ABHD2: variants seen among roughly 807,000 people sequenced by gnomAD.
The protein encoded by ABHD2 is monoacylglycerol lipase ABHD2.
ABHD2 carries 20 observed loss-of-function variants against 48.1 expected under a neutral mutation model. That is an observed-to-expected ratio of 0.42 (90% CI 0.29 to 0.60). The LOEUF (loss-of-function observed/expected upper bound fraction) is 0.60, where lower values mean the gene tolerates loss of function less well. Ranked by LOEUF, ABHD2 falls within the 20% of genes least tolerant of loss-of-function variation. The probability of loss-of-function intolerance (pLI) is 0.24; values close to 1 mark genes in which losing one functional copy is unlikely to be tolerated. For synonymous variants in ABHD2, 209 were observed against 214.2 expected (o/e 0.98, Z 0.21); for missense variants, 405 against 550.9 (o/e 0.74, Z 2.65).
chr15:89,140,674 CT>C (rs769282359), intron 3 of ABHD2, among the ~76,000 whole-genome samples: 41 of 152,288 alleles, frequency 2.7e-4, no homozygotes, highest in Middle Eastern at 3.4e-3. Flanking sequence ...CAGGCCCCCC[CT>C]GTGTGTGATC....
chr15:89,187,703 A>G (rs1198058995), intron 7 of ABHD2, among the ~76,000 whole-genome samples: 1 of 152,196 alleles, frequency 6.6e-6, no homozygotes, highest in Non-Finnish European at 1.5e-5. Flanking sequence ...GACACTAGAG[A>G]GCTGTTGGTT....
chr15:89,053,340 C>T, the ABHD2 span, among the ~76,000 whole-genome samples: 2 of 152,006 alleles, frequency 1.3e-5, no homozygotes, highest in Non-Finnish European at 2.9e-5. Flanking sequence ...TTTGTTACGG[C>T]AGCCCTAGCA....
Position 89,116,269 on chromosome 15 carries a change from A to C in ABHD2, c.-6-53A>C. On this transcript the variant is annotated intron_variant, in intron 2 of 10. Coordinates refer to ENST00000352732, the MANE Select transcript of ABHD2 (RefSeq NM_152924.5). This position sits in a 1 kb window ranked among gnomAD's most constrained non-coding sequence, Gnocchi z 4.6. ...ACCATGCGTCTGTAGGGTGGTGGGCACCACCCGTCCTCACTGTGCTTGTAA... is the reference window on the plus strand; with the variant it reads ...ACCATGCGTCTGTAGGGTGGTGGGCCCCACCCGTCCTCACTGTGCTTGTAA... 2.6e-6 allele frequency: 4 copies of C among 1,539,666 alleles called. No individual in the cohort carries two copies. The highest frequency in any genetic ancestry group is 3.5e-6 in the Non-Finnish European group (4 of 1,132,174).
rs187369405 is a variant in ABHD2 at position 89,151,528 on chromosome 15, G to T, written c.195-149G>T. 77 of 777,456 alleles carry T rather than the reference G, an allele frequency of 9.9e-5. 1 individual carries two copies. The Admixed American group carries it at 1.2e-3, about 12-fold the overall frequency. 48.2% of individuals were successfully genotyped at this position (777,456 alleles called of 1,614,324 possible). On this transcript the variant is annotated intron_variant, in intron 3 of 10. Transcript: ENST00000352732. This position sits in a 1 kb window ranked among gnomAD's most constrained non-coding sequence, Gnocchi z 4.7. ...GGGGAAAGGCGGTAAATCATGGCACGGATGTAACGTAATAAAAGCCTCATG... is the reference window on the plus strand; with the variant it reads ...GGGGAAAGGCGGTAAATCATGGCACTGATGTAACGTAATAAAAGCCTCATG...
rs938952915 is a variant in ABHD2 at position 89,123,462 on chromosome 15, A to G, written c.194+6941A>G. 5.3e-5 allele frequency among the ~76,000 whole-genome samples: 8 copies of G among 152,170 alleles called. No individual in the cohort carries two copies. In the South Asian group the frequency reaches 1.4e-3, roughly 28 times the overall value. On this transcript the variant is annotated intron_variant, in intron 3 of 10. Coordinates refer to ENST00000352732, the MANE Select transcript of ABHD2 (RefSeq NM_152924.5). ...TCTCTGAGACTCATCGTGGGGAGGCATTTGTAAAAGATCAGTTTTTCAAGC... is the reference window on the plus strand; with the variant it reads ...TCTCTGAGACTCATCGTGGGGAGGCGTTTGTAAAAGATCAGTTTTTCAAGC...
intron 3 of ABHD2, among the ~76,000 whole-genome samples, chr15:89,119,264 G>A (rs1016756322): frequency 2.6e-5 from 4 of 152,184 alleles, no homozygotes; most frequent in African/African-American, 9.7e-5. Context: ...CATTACTTAA[G>A]CAGCTAAATT....
In ABHD2 at chr15:89,168,878, A is replaced by T. The variant is rs2050876466; in HGVS notation, c.539-6934A>T. On this transcript the variant is annotated intron_variant, in intron 5 of 10. Transcript: ENST00000352732. This position sits in a 1 kb window ranked among gnomAD's most constrained non-coding sequence, Gnocchi z 4.8. Reference sequence around the variant, plus strand: ...GACCTCTTGAGCTCAGAAGTTCGAGACCAGCCTGGGCAACATAGTGGAACC... The same window carrying T: ...GACCTCTTGAGCTCAGAAGTTCGAGTCCAGCCTGGGCAACATAGTGGAACC... Among the ~76,000 whole-genome samples, 1 of 152,142 alleles carries T rather than the reference A, an allele frequency of 6.6e-6. No individual in the cohort carries two copies. Among genetic ancestry groups the T allele is most frequent in the South Asian group, 2.1e-4 (1 of 4,832 alleles).
Position 89,164,065 on chromosome 15 carries a change from A to G in ABHD2, c.538+8531A>G, listed in dbSNP as rs1240621325. Among the ~76,000 whole-genome samples the G allele has an allele frequency of 6.6e-6, 1 of 152,218 alleles. No homozygotes were observed. Among genetic ancestry groups the G allele is most frequent in the Non-Finnish European group, 1.5e-5 (1 of 68,038 alleles). ...GAGCATCCAAGAGCATCTCAGAGCCACAGAATTGGACCTGTGGGTTTGGTC... is the reference window on the plus strand; with the variant it reads ...GAGCATCCAAGAGCATCTCAGAGCCGCAGAATTGGACCTGTGGGTTTGGTC... On this transcript the variant is annotated intron_variant, in intron 5 of 10. Coordinates refer to ENST00000352732, the MANE Select transcript of ABHD2 (RefSeq NM_152924.5). The surrounding 1 kb of genome is among the most constrained non-coding windows in gnomAD (Gnocchi z 5.0).
Position 89,179,618 on chromosome 15 carries a change from A to G in ABHD2, c.722+3623A>G, listed in dbSNP as rs2051075170. ...TCATTCTGTATGATAATGTAATAAT[A>G]ATAGGGAAAAAGTACATTATAAATG... On this transcript the variant is annotated intron_variant, in intron 6 of 10. Coordinates refer to ENST00000352732, the MANE Select transcript of ABHD2 (RefSeq NM_152924.5). The surrounding 1 kb of genome is among the most constrained non-coding windows in gnomAD (Gnocchi z 4.3). 6.6e-6 allele frequency among the ~76,000 whole-genome samples: 1 copy of G among 152,166 alleles called. No individual in the cohort carries two copies. Among genetic ancestry groups the G allele is most frequent in the Non-Finnish European group, 1.5e-5 (1 of 68,026 alleles).
Position 89,146,194 on chromosome 15 carries a change from A to G in ABHD2, c.195-5483A>G, listed in dbSNP as rs1337201167. ...TCTGAGTTTAATCACTAGCTATAAAATAGTTTGATTTACAGCCAAGGAACT... is the reference window on the plus strand; with the variant it reads ...TCTGAGTTTAATCACTAGCTATAAAGTAGTTTGATTTACAGCCAAGGAACT... On this transcript the variant is annotated intron_variant, in intron 3 of 10. Coordinates refer to ENST00000352732, the MANE Select transcript of ABHD2 (RefSeq NM_152924.5). The surrounding 1 kb of genome is among the most constrained non-coding windows in gnomAD (Gnocchi z 4.2). Among the ~76,000 whole-genome samples, 1 of 152,210 alleles carries G rather than the reference A, an allele frequency of 6.6e-6. No homozygotes were observed. The highest frequency in any genetic ancestry group is 1.5e-5 in the Non-Finnish European group (1 of 68,042).
At chr15:89,076,717 C>G in the ABHD2 span, among the ~76,000 whole-genome samples, 1 of 152,166 alleles carries the variant, frequency 6.6e-6, no homozygotes. Context: ...CTCCTGGGCT[C>G]AAGTGATCCA....
rs1220697365 is a variant in ABHD2 at position 89,184,488 on chromosome 15, T to C, written c.723-936T>C. On this transcript the variant is annotated intron_variant, in intron 6 of 10. Coordinates refer to ENST00000352732, the MANE Select transcript of ABHD2 (RefSeq NM_152924.5). This position sits in a 1 kb window ranked among gnomAD's most constrained non-coding sequence, Gnocchi z 5.1. ...GATAAAAGTTTCCCTGTAATGAGTG[T>C]GGACTCAGTGTCCGCCTGCGTTTGG... Among the ~76,000 whole-genome samples, 1 of 152,172 alleles carries C rather than the reference T, an allele frequency of 6.6e-6. No homozygotes were observed.
At chr15:89,191,320 C>T (rs188331630) in intron 9 of ABHD2, among the ~76,000 whole-genome samples, 171 bp downstream of exon 9, 1 of 152,282 alleles carries the variant, frequency 6.6e-6, no homozygotes, top group East Asian at 1.9e-4. Flanking sequence ...TCTGTAACTG[C>T]CATACATTAA....
At chr15:89,125,460 G>A (rs573496639) in intron 3 of ABHD2, among the ~76,000 whole-genome samples, 14 of 152,146 alleles carry the variant, frequency 9.2e-5, no homozygotes, top group African/African-American at 3.4e-4. Context: ...AAATATTAAG[G>A]GCTAGCCTCA....
the ABHD2 span, among the ~76,000 whole-genome samples, chr15:89,061,426 A>T: frequency 1.3e-5 from 2 of 152,134 alleles, no homozygotes; most frequent in African/African-American, 4.8e-5. Context: ...CTCGGAAAAA[A>T]AAAGAAAAAG....
At chr15:89,073,392 T>A in the ABHD2 span, among the ~76,000 whole-genome samples, 1 of 152,040 alleles carries the variant, frequency 6.6e-6, no homozygotes, top group Non-Finnish European at 1.5e-5. Context: ...GCCTCCTAGG[T>A]TCAAGCGATT....
In ABHD2 at chr15:89,176,002, C is replaced by A; in HGVS notation, c.722+7C>A. The A allele has an allele frequency of 6.3e-7, 1 of 1,585,794 alleles. No homozygotes were observed. The highest frequency in any genetic ancestry group is 1.1e-5 in the South Asian group (1 of 88,606). On this transcript the variant is annotated splice_region_variant and intron_variant, in intron 6 of 10. Transcript: ENST00000352732. The surrounding 1 kb of genome is among the most constrained non-coding windows in gnomAD (Gnocchi z 4.5). Reference sequence around the variant, plus strand: ...AGGGGTACAGTGCACTGAGGTGAGTCATCTCCGCCTTCCATCAGGGCCTTC... The same window carrying A: ...AGGGGTACAGTGCACTGAGGTGAGTAATCTCCGCCTTCCATCAGGGCCTTC...
intron 3 of ABHD2, among the ~76,000 whole-genome samples, chr15:89,144,854 G>A (rs377520796): frequency 5.3e-5 from 8 of 152,172 alleles, no homozygotes; most frequent in East Asian, 3.8e-4. Context: ...CAAAAAAGTC[G>A]TGGGGACAAA....
Position 89,104,570 on chromosome 15 carries a change from C to T in ABHD2, c.-106-9155C>T, listed in dbSNP as rs1236153666. Among the ~76,000 whole-genome samples the T allele has an allele frequency of 4.6e-5, 7 of 152,200 alleles. No homozygotes were observed. The highest frequency in any genetic ancestry group is 7.2e-5 in the African/African-American group (3 of 41,450). On this transcript the variant is annotated intron_variant, in intron 1 of 10. Coordinates refer to ENST00000352732, the MANE Select transcript of ABHD2 (RefSeq NM_152924.5). The surrounding 1 kb of genome is among the most constrained non-coding windows in gnomAD (Gnocchi z 4.4). ...CCCAGTCGGCGTTGGGAAACCAGAACGCTCAGGAACGGTGAGTCCCAGTTA... is the reference window on the plus strand; with the variant it reads ...CCCAGTCGGCGTTGGGAAACCAGAATGCTCAGGAACGGTGAGTCCCAGTTA...
Sources: allele counts gnomAD v4.1 joint callset (sites outside exome capture counted in the v4.1 genomes callset), GRCh38; gene constraint gnomAD v4.1.1; non-coding constraint Gnocchi (gnomAD v3.1); transcripts MANE v1.5; gene names NCBI Gene and HGNC (gene_info 2026-07-23, HGNC 2026-07-21).